The following WDR7 variants were observed in gnomAD, a reference collection of about 807,000 sequenced individuals.
The protein encoded by WDR7 is WD repeat domain 7.
Under a neutral mutation model 169.4 loss-of-function variants are expected in WDR7, and 46 were observed. That is an observed-to-expected ratio of 0.27 (90% CI 0.21 to 0.35). WDR7 has a LOEUF of 0.35. WDR7 is among the 10% of genes least tolerant of loss of function. The pLI is 1.00. For synonymous variants in WDR7, 612 were observed against 666.8 expected (o/e 0.92, Z 1.27); for missense variants, 1,534 against 1,859.3 (o/e 0.83, Z 3.22).
intron 25 of WDR7, among the ~76,000 whole-genome samples, chr18:56,947,581 C>G (rs2047123438): frequency 6.6e-6 from 1 of 152,222 alleles, no homozygotes; most frequent in African/African-American, 2.4e-5. Flanking sequence ...TTACTGAACT[C>G]AGATCCCCTT....
chr18:56,722,142 CAT>C (rs973108411), intron 13 of WDR7, among the ~76,000 whole-genome samples: 2 of 152,140 alleles, frequency 1.3e-5, no homozygotes, highest in African/African-American at 2.4e-5. Flanking sequence ...TTTTGAAAAA[CAT>C]ATATAAAACA....
At chr18:56,973,739 C>T (rs530983137) in intron 26 of WDR7, among the ~76,000 whole-genome samples, 8 of 152,222 alleles carry the variant, frequency 5.3e-5, no homozygotes, top group Non-Finnish European at 8.8e-5. Context: ...GTAAAGAGTG[C>T]TGATGCTGAT....
Position 57,023,271 on chromosome 18 carries a change from C to T in WDR7, c.4269+2422C>T, listed in dbSNP as rs1461717877. Among the ~76,000 whole-genome samples, 9 of 152,246 alleles carry T rather than the reference C, an allele frequency of 5.9e-5. 1 individual carries two copies. In the South Asian group the frequency reaches 1.0e-3, roughly 18 times the overall value. On this transcript the variant is annotated intron_variant, in intron 27 of 27. Coordinates refer to ENST00000254442, the MANE Select transcript of WDR7 (RefSeq NM_015285.3). ...TGATTTATTTAGATACATGTTGTTTCGTTGTAATGATGTATCAGAATACTT... is the reference window on the plus strand; with the variant it reads ...TGATTTATTTAGATACATGTTGTTTTGTTGTAATGATGTATCAGAATACTT...
At chr18:56,906,826 G>A (rs2046484551) in intron 21 of WDR7, among the ~76,000 whole-genome samples, 1 of 152,166 alleles carries the variant, frequency 6.6e-6, no homozygotes, top group African/African-American at 2.4e-5. Context: ...ACAGGCATGA[G>A]CCACCATGCC....
intron 13 of WDR7, among the ~76,000 whole-genome samples, chr18:56,719,843 T>C (rs1351902156): frequency 1.3e-5 from 2 of 152,306 alleles, no homozygotes. Context: ...AGGGTAATAA[T>C]ATTTTCTATC....
chr18:56,893,513 A>G (rs942099589), intron 21 of WDR7, among the ~76,000 whole-genome samples: 31 of 151,994 alleles, frequency 2.0e-4, no homozygotes, highest in Admixed American at 1.8e-3. Context: ...GTCCTTAGAA[A>G]ACACAATTTT....
intron 20 of WDR7, among the ~76,000 whole-genome samples, chr18:56,822,674 G>T (rs867465596): frequency 3.9e-5 from 6 of 152,142 alleles, no homozygotes; most frequent in African/African-American, 1.4e-4. Flanking sequence ...TAGTTTAGAT[G>T]TATGTGAATT....
chr18:56,744,256 AAAAAAAAAAAAAAG>A (rs2043668674), intron 14 of WDR7, among the ~76,000 whole-genome samples: 2 of 140,704 alleles, frequency 1.4e-5, no homozygotes, highest in African/African-American at 3.1e-5. Context: ...AAAAAAAAAA[AAAAAAAAAAAAAAG>A]AAAGAGCACA....
At chr18:57,007,181 A>G (rs971009305) in intron 26 of WDR7, among the ~76,000 whole-genome samples, 16 of 152,174 alleles carry the variant, frequency 1.1e-4, no homozygotes, top group South Asian at 6.2e-4. Flanking sequence ...GGGTTTCACC[A>G]TGTTAGCCAC....
At chr18:56,837,943 T>G (rs541064205) in intron 20 of WDR7, among the ~76,000 whole-genome samples, 53 of 152,268 alleles carry the variant, frequency 3.5e-4, no homozygotes, top group African/African-American at 1.3e-3. Flanking sequence ...AGAAGAACAT[T>G]AAGAGCTGAC....
chr18:57,000,300 T>C (rs976163551), intron 26 of WDR7, among the ~76,000 whole-genome samples: 2 of 152,224 alleles, frequency 1.3e-5, no homozygotes, highest in Non-Finnish European at 2.9e-5. Flanking sequence ...GAAGGCTTAA[T>C]GAATCGTATT....
chr18:57,033,550 T>C (rs1467540743), downstream of WDR7: 1 of 152,204 alleles, frequency 6.6e-6, no homozygotes, highest in Non-Finnish European at 1.5e-5. Context: ...TTTAGTGTTT[T>C]CCATGTTTCA....
intron 26 of WDR7, among the ~76,000 whole-genome samples, chr18:57,001,917 C>T (rs933107287): frequency 6.6e-6 from 1 of 152,016 alleles, no homozygotes; most frequent in African/African-American, 2.4e-5. Context: ...CAAATATGAA[C>T]CCTAACTAGA....
intron 20 of WDR7, among the ~76,000 whole-genome samples, chr18:56,861,699 C>T (rs1161439866): frequency 6.6e-6 from 1 of 151,966 alleles, no homozygotes; most frequent in Non-Finnish European, 1.5e-5. Context: ...CACTGATTTT[C>T]TGTATTTGTC....
At chr18:56,952,565 C>A (rs116485661) in intron 25 of WDR7, among the ~76,000 whole-genome samples, 1,880 of 152,168 alleles carry the variant, frequency 0.012, 54 homozygotes, top group African/African-American at 0.043. Context: ...ATTTAATGAA[C>A]AAAGAACTCA....
chr18:56,663,898 G>T (rs2024964502), intron 1 of WDR7, among the ~76,000 whole-genome samples: 1 of 152,006 alleles, frequency 6.6e-6, no homozygotes, highest in African/African-American at 2.4e-5. Context: ...AGGTAACAGG[G>T]TTAAGTCTTT....
At chr18:56,774,784 G>C (rs1422117123) in intron 16 of WDR7, among the ~76,000 whole-genome samples, 1 of 151,938 alleles carries the variant, frequency 6.6e-6, no homozygotes. Flanking sequence ...ATTTTTTGGT[G>C]GTGATGCAGA....
At chr18:56,727,749 G>C (rs1236199804) in intron 13 of WDR7, among the ~76,000 whole-genome samples, 2 of 152,104 alleles carry the variant, frequency 1.3e-5, no homozygotes, top group Non-Finnish European at 2.9e-5. Context: ...TTTTTGGCTT[G>C]TGTTGTTGAT....
At chr18:56,957,435 C>T (rs1050577092) in intron 25 of WDR7, 5 of 144,890 alleles carry the variant, frequency 3.5e-5, no homozygotes, top group South Asian at 2.2e-4. Context: ...TCTTCCTCTG[C>T]GAGAGTAAGA....
Sources: allele counts gnomAD v4.1 joint callset (sites outside exome capture counted in the v4.1 genomes callset), GRCh38; gene constraint gnomAD v4.1.1; transcripts MANE v1.5; gene names NCBI Gene and HGNC (gene_info 2026-07-23, HGNC 2026-07-21).